The following NAALADL2 variants were observed in gnomAD, a reference collection of about 807,000 sequenced individuals.
NAALADL2 encodes inactive N-acetylated-alpha-linked acidic dipeptidase-like protein 2.
A neutral mutation model predicts 87.2 loss-of-function variants in NAALADL2; 76 were observed. The ratio of observed to expected loss-of-function variants is 0.87; its 90% CI spans 0.72 to 1.05. The LOEUF (loss-of-function observed/expected upper bound fraction) is 1.05, where lower values mean the gene tolerates loss of function less well. Ranked by LOEUF, NAALADL2 falls within the 50% of genes least tolerant of loss-of-function variation. NAALADL2 has a pLI of 0.00. For synonymous variants in NAALADL2, 354 were observed against 331.0 expected (o/e 1.07, Z -0.75); for missense variants, 1,089 against 945.8 (o/e 1.15, Z -1.99).
At chr3:175,304,891 C>T (rs772120800) in intron 4 of NAALADL2, among the ~76,000 whole-genome samples, 1 of 151,884 alleles carries the variant, frequency 6.6e-6, no homozygotes, top group Non-Finnish European at 1.5e-5. Context: ...ATTCCTTTAT[C>T]ATACTTAATT....
At chr3:174,711,225 G>T (rs1053674927) in intron 2 of NAALADL2, among the ~76,000 whole-genome samples, 1 of 152,138 alleles carries the variant, frequency 6.6e-6, no homozygotes, top group Non-Finnish European at 1.5e-5. Context: ...TGATGATTCA[G>T]ACTGGTCAAA....
chr3:175,788,096 T>TG (rs1752327015), intron 13 of NAALADL2, among the ~76,000 whole-genome samples: 1 of 148,826 alleles, frequency 6.7e-6, no homozygotes, highest in Admixed American at 6.7e-5. Context: ...CTGTTTTTTT[T>TG]TTTTTTTTTT....
intron 10 of NAALADL2, among the ~76,000 whole-genome samples, chr3:175,614,903 A>G (rs988150404): frequency 1.3e-5 from 2 of 152,238 alleles, no homozygotes; most frequent in African/African-American, 2.4e-5. Flanking sequence ...ATTCTTTAGG[A>G]CAAATGAAAT....
At chr3:174,652,096 C>T (rs1724414018) in intron 2 of NAALADL2, among the ~76,000 whole-genome samples, 1 of 152,098 alleles carries the variant, frequency 6.6e-6, no homozygotes, top group Non-Finnish European at 1.5e-5. Context: ...CCAAACCTAC[C>T]CATCAAAGAG....
chr3:175,571,433 TA>T (rs1718064859), intron 9 of NAALADL2, among the ~76,000 whole-genome samples: 1 of 152,214 alleles, frequency 6.6e-6, no homozygotes, highest in Non-Finnish European at 1.5e-5. Flanking sequence ...AAATAAATTT[TA>T]AAAATTAATT....
chr3:174,979,590 C>T (rs558804471), intron 1 of NAALADL2, among the ~76,000 whole-genome samples: 1 of 152,138 alleles, frequency 6.6e-6, no homozygotes, highest in East Asian at 1.9e-4. Context: ...CAGGCGTGAA[C>T]CACCACACCC....
chr3:175,495,101 T>TTTTTA (rs1728636319), intron 9 of NAALADL2, among the ~76,000 whole-genome samples: 1 of 148,774 alleles, frequency 6.7e-6, no homozygotes, highest in South Asian at 2.1e-4. Context: ...TATTTTTTTT[T>TTTTTA]AATTTTAGAT....
chr3:174,677,379 T>C (rs1230673243), intron 2 of NAALADL2, among the ~76,000 whole-genome samples: 1 of 152,106 alleles, frequency 6.6e-6, no homozygotes, highest in Non-Finnish European at 1.5e-5. Flanking sequence ...AGCTGTATTA[T>C]GTTTCATCAT....
chr3:175,577,249 A>T (rs1203154797), intron 10 of NAALADL2, among the ~76,000 whole-genome samples: 1 of 152,104 alleles, frequency 6.6e-6, no homozygotes, highest in Non-Finnish European at 1.5e-5. Context: ...ATATTTAGGG[A>T]CTCTACAGAG....
intron 1 of NAALADL2, among the ~76,000 whole-genome samples, chr3:174,468,384 C>CTTTTTT (rs67829845): frequency 7.5e-6 from 1 of 132,738 alleles, no homozygotes; most frequent in Admixed American, 7.9e-5. Flanking sequence ...CTTTCTTTTT[C>CTTTTTT]TTTTTTTTTT....
At chr3:175,468,365 T>A (rs1582016611) in intron 8 of NAALADL2, among the ~76,000 whole-genome samples, 1 of 152,176 alleles carries the variant, frequency 6.6e-6, no homozygotes, top group East Asian at 1.9e-4. Context: ...AGTTGACAAC[T>A]TTGTAAGTAA....
intron 11 of NAALADL2, among the ~76,000 whole-genome samples, chr3:175,734,840 G>A (rs187008290): frequency 2.6e-5 from 4 of 152,182 alleles, no homozygotes; most frequent in South Asian, 4.1e-4. Context: ...AGGGGCTGCC[G>A]CAAAGGTCTC....
At chr3:175,110,493 T>G (rs1724012428) in intron 2 of NAALADL2, among the ~76,000 whole-genome samples, 1 of 151,792 alleles carries the variant, frequency 6.6e-6, no homozygotes, top group African/African-American at 2.4e-5. Context: ...CTGTAGCCTT[T>G]TCAGTTGCCC....
intron 4 of NAALADL2, among the ~76,000 whole-genome samples, chr3:175,303,461 C>CA (rs933879355): frequency 1.1e-3 from 167 of 150,842 alleles, no homozygotes; most frequent in African/African-American, 3.5e-3. Flanking sequence ...AGTATGCCAC[C>CA]AAAAAAAAAT....
chr3:175,288,188 T>A (rs1209879937), intron 4 of NAALADL2, among the ~76,000 whole-genome samples: 1 of 152,050 alleles, frequency 6.6e-6, no homozygotes, highest in Non-Finnish European at 1.5e-5. Context: ...TTCAAGCAAT[T>A]CTCCTCCCTC....
intron 9 of NAALADL2, among the ~76,000 whole-genome samples, chr3:175,533,055 C>T (rs1401562987): frequency 1.3e-5 from 2 of 152,116 alleles, no homozygotes; most frequent in East Asian, 1.9e-4. Flanking sequence ...ATTTTTAAAC[C>T]GTATTCCAAC....
chr3:174,506,088 AT>A (rs936678432), intron 1 of NAALADL2, among the ~76,000 whole-genome samples: 5 of 151,634 alleles, frequency 3.3e-5, no homozygotes, highest in African/African-American at 1.2e-4. Flanking sequence ...AGGATGATAG[AT>A]TTTTTTCAAT....
intron 1 of NAALADL2, among the ~76,000 whole-genome samples, chr3:174,536,299 T>C (rs1177504123): frequency 6.6e-6 from 1 of 152,154 alleles, no homozygotes; most frequent in Non-Finnish European, 1.5e-5. Flanking sequence ...GCCATGGCTA[T>C]TCAGGACTGG....
At chr3:175,780,065 G>A (rs565126528) in intron 13 of NAALADL2, among the ~76,000 whole-genome samples, 7 of 151,460 alleles carry the variant, frequency 4.6e-5, no homozygotes, top group South Asian at 2.1e-4. Context: ...TCAGTAGATC[G>A]AGACCATCCT....
Sources: allele counts gnomAD v4.1 joint callset (sites outside exome capture counted in the v4.1 genomes callset), GRCh38; gene constraint gnomAD v4.1.1; transcripts MANE v1.5; gene names NCBI Gene and HGNC (gene_info 2026-07-23, HGNC 2026-07-21).